The following LRRC9 variants were observed in gnomAD, a reference collection of about 807,000 sequenced individuals.
The protein encoded by LRRC9 is leucine-rich repeat-containing protein 9.
LRRC9 carries 122 observed loss-of-function variants against 63.2 expected under a neutral mutation model. That is an observed-to-expected ratio of 1.93 (90% CI 1.67 to 2.24). LRRC9 has a LOEUF of 2.24. Among genes scored for constraint, LRRC9 ranks in the 30% most tolerant of loss-of-function variants. The probability of loss-of-function intolerance (pLI) is 0.00; values close to 1 mark genes in which losing one functional copy is unlikely to be tolerated. For missense variants in LRRC9, 1,071 were observed against 627.7 expected (o/e 1.71, Z -7.55); for synonymous variants, 366 against 213.1 (o/e 1.72, Z -6.25).
At position 59,927,498 on chromosome 14, in the gene LRRC9, G is replaced by A. The variant is rs564781192; in HGVS notation, c.-33-413G>A. Among the ~76,000 whole-genome samples the A allele has an allele frequency of 1.0e-3, 158 of 152,090 alleles. 1 individual carries two copies. The highest frequency in any genetic ancestry group is 1.8e-3 in the Non-Finnish European group (119 of 67,892). On this transcript the variant is annotated intron_variant, in intron 1 of 31. Coordinates refer to ENST00000445360, the Ensembl canonical transcript of LRRC9. The surrounding 1 kb of genome is among the most constrained non-coding windows in gnomAD (Gnocchi z 4.4). ...GGTATACTTAGAGAACTGTGTTCAC[G>A]TTTAGACACCGCAGTGTAATACAAA...
intron 12 of LRRC9, among the ~76,000 whole-genome samples, chr14:59,968,111 G>T (rs1400886581): frequency 6.6e-6 from 1 of 152,112 alleles, no homozygotes; most frequent in Non-Finnish European, 1.5e-5. Context: ...ATGAAATTCC[G>T]AAACTTCCTA....
chr14:60,011,905 G>A (rs1201723751), intron 23 of LRRC9, among the ~76,000 whole-genome samples: 3 of 152,164 alleles, frequency 2.0e-5, no homozygotes, highest in African/African-American at 2.4e-5. Flanking sequence ...ATGTCAAGCA[G>A]GCAGCTGAAA....
rs189492151 is a variant in LRRC9, at chr14:59,932,660, C to T, written c.543+621C>T. ...TCATCCAATCCATCAGCAAGTACAA[C>T]TGGGTGCACCTTCAGAATATGTCCA... On this transcript the variant is annotated intron_variant, in intron 6 of 31. Transcript: ENST00000445360. The surrounding 1 kb of genome is among the most constrained non-coding windows in gnomAD (Gnocchi z 4.7). Among the ~76,000 whole-genome samples the T allele has an allele frequency of 4.1e-4, 62 of 152,244 alleles. 1 individual carries two copies. The highest frequency in any genetic ancestry group is 1.3e-3 in the African/African-American group (54 of 41,552).
chr14:59,974,422 A>G (rs1885887577), intron 12 of LRRC9, among the ~76,000 whole-genome samples, 154 bp from the exon 13 acceptor site: 1 of 152,140 alleles, frequency 6.6e-6, no homozygotes, highest in Non-Finnish European at 1.5e-5. Context: ...TGCCAAATGA[A>G]GTTGCACCTG....
At chr14:60,022,519 C>CACCTTATG (rs1318293842) in intron 26 of LRRC9, among the ~76,000 whole-genome samples, 1 of 151,628 alleles carries the variant, frequency 6.6e-6, no homozygotes, top group Non-Finnish European at 1.5e-5. Flanking sequence ...TTCATTGTAA[C>CACCTTATG]ACCTTATGTA....
intron 29 of LRRC9, among the ~76,000 whole-genome samples, chr14:60,033,449 T>C (rs1363055378): frequency 6.6e-6 from 1 of 152,146 alleles, no homozygotes; most frequent in East Asian, 1.9e-4. Context: ...AGATAACCTA[T>C]AAAAGTTTAG....
At position 59,931,605 on chromosome 14, in the gene LRRC9, G is replaced by T. The variant is rs958238083; in HGVS notation, c.409-14G>T. The T allele has an allele frequency of 1.4e-6, 1 of 689,884 alleles. No individual in the cohort carries two copies. The highest frequency in any genetic ancestry group is 2.6e-6 in the Non-Finnish European group (1 of 380,656). 42.7% of individuals were successfully genotyped at this position (689,884 alleles called of 1,614,324 possible). ...AATTATCTGTTCTAAATAATATGTT[G>T]TCTAAATTTTTAGGGTTTGCAAACT... On this transcript the variant is annotated splice_polypyrimidine_tract_variant and intron_variant, in intron 4 of 31. Transcript: ENST00000445360.
chr14:60,006,051 T>C lies in LRRC9; in HGVS notation c.2843-346T>C, dbSNP rs927833342. Among the ~76,000 whole-genome samples the C allele has an allele frequency of 2.6e-5, 4 of 152,258 alleles. No individual in the cohort carries two copies. The South Asian group carries it at 8.3e-4, about 32-fold the overall frequency. ...GCTGGTGATTATTTTGAGCTTTGTG[T>C]AGAGCTTTTTGTTTTCAAAATGATG... On this transcript the variant is annotated intron_variant, in intron 21 of 31. Transcript: ENST00000445360.
rs115226810 is a variant in LRRC9 at position 60,047,569 on chromosome 14, T to C, written c.3991-5496T>C. 9.6e-3 allele frequency among the ~76,000 whole-genome samples: 1,457 copies of C among 152,270 alleles called. 27 individuals are homozygous for C. The highest frequency in any genetic ancestry group is 0.033 in the African/African-American group (1,376 of 41,558). On this transcript the variant is annotated intron_variant, in intron 29 of 31. Coordinates refer to ENST00000445360, the Ensembl canonical transcript of LRRC9. The stretch of plus-strand genomic sequence containing the variant: ...AAAAAATGACAAGAGCATTACATAA[T>C]GGTAAATGTTTCAATTCAACAAGAG...
chr14:59,998,203 CA>C (rs1888998385), intron 18 of LRRC9, among the ~76,000 whole-genome samples: 1 of 151,946 alleles, frequency 6.6e-6, no homozygotes, highest in Non-Finnish European at 1.5e-5. Flanking sequence ...TAATATAATA[CA>C]GTGAGAGGGG....
chr14:60,013,000 G>A (rs1890373779), intron 23 of LRRC9, among the ~76,000 whole-genome samples: 1 of 150,098 alleles, frequency 6.7e-6, no homozygotes, highest in South Asian at 2.1e-4. Context: ...GGGTACATGT[G>A]CACAATGTGC....
intron 6 of LRRC9, among the ~76,000 whole-genome samples, chr14:59,933,467 T>C (rs1467522735): frequency 6.6e-6 from 1 of 152,204 alleles, no homozygotes; most frequent in Non-Finnish European, 1.5e-5. Flanking sequence ...AAAGGTGGCA[T>C]TTATAATTTT....
intron 23 of LRRC9, among the ~76,000 whole-genome samples, chr14:60,008,482 C>A (rs1268405834): frequency 6.6e-6 from 1 of 152,134 alleles, no homozygotes; most frequent in Non-Finnish European, 1.5e-5. Flanking sequence ...AGGTAAAGAA[C>A]ACAATTTTAT....
At chr14:60,059,352 A>T (rs1022446000) in intron 31 of LRRC9, among the ~76,000 whole-genome samples, 2 of 152,162 alleles carry the variant, frequency 1.3e-5, no homozygotes, top group African/African-American at 4.8e-5. Flanking sequence ...TTTTTAAGTC[A>T]ATTAATAACC....
Position 60,031,476 on chromosome 14 carries a change from A to C in LRRC9, c.3922-519A>C, listed in dbSNP as rs1891985446. 6.6e-6 allele frequency among the ~76,000 whole-genome samples: 1 copy of C among 152,116 alleles called. No homozygotes were observed. The highest frequency in any genetic ancestry group is 1.5e-5 in the Non-Finnish European group (1 of 67,964). On this transcript the variant is annotated intron_variant, in intron 28 of 31. Coordinates refer to ENST00000445360, the Ensembl canonical transcript of LRRC9. The surrounding 1 kb of genome is among the most constrained non-coding windows in gnomAD (Gnocchi z 4.6). The stretch of plus-strand genomic sequence containing the variant: ...CACCAATGTTAAATGGAAGCTAATA[A>C]ATAATGCTATGCAATAGAGAAGGCA...
chr14:60,043,194 G>T (rs1429131174), intron 29 of LRRC9, among the ~76,000 whole-genome samples: 1 of 152,038 alleles, frequency 6.6e-6, no homozygotes, highest in Non-Finnish European at 1.5e-5. Flanking sequence ...ACAGTTTTTT[G>T]GGGAAACTTT....
Position 59,966,571 on chromosome 14 carries a change from G to C in LRRC9, c.1212-18G>C. 1 of 632,468 alleles carries C rather than the reference G, an allele frequency of 1.6e-6. No individual in the cohort carries two copies. The highest frequency in any genetic ancestry group is 2.9e-6 in the Non-Finnish European group (1 of 350,132). 39.2% of individuals were successfully genotyped at this position (632,468 alleles called of 1,614,324 possible). A position where few individuals can be genotyped will look rare whatever the true frequency, so the allele number is the denominator to read the frequency against. On this transcript the variant is annotated intron_variant, in intron 10 of 31. Transcript: ENST00000445360. The surrounding 1 kb of genome is among the most constrained non-coding windows in gnomAD (Gnocchi z 4.0). ...CTATTATTTTCTTCATGTATATTCT[G>C]TATGTATTCCCACATAGGTTTAATT...
At chr14:59,995,828 C>T (rs1346961057) in intron 17 of LRRC9, among the ~76,000 whole-genome samples, 3 of 151,992 alleles carry the variant, frequency 2.0e-5, no homozygotes, top group South Asian at 2.1e-4. Flanking sequence ...CTGCAACCTC[C>T]GCCTCCCGGG....
intron 13 of LRRC9, among the ~76,000 whole-genome samples, chr14:59,975,127 G>GTATATATATATA (rs1286444884): frequency 1.1e-4 from 1 of 9,148 alleles, no homozygotes; most frequent in African/African-American, 2.1e-4. Context: ...ATATATATAT[G>GTATATATATATA]TATATATATA....
Sources: allele counts gnomAD v4.1 joint callset (sites outside exome capture counted in the v4.1 genomes callset), GRCh38; gene constraint gnomAD v4.1.1; non-coding constraint Gnocchi (gnomAD v3.1); transcripts MANE v1.5; gene names NCBI Gene and HGNC (gene_info 2026-07-23, HGNC 2026-07-21).